The following IKZF1 variants were observed in gnomAD, a reference collection of about 807,000 sequenced individuals.
IKZF1 encodes IKAROS family zinc finger 1, also known as DNA-binding protein Ikaros.
In IKZF1, 10 loss-of-function variants were observed where a neutral mutation model predicts 51.7. That is an observed-to-expected ratio of 0.19 (90% confidence interval 0.12 to 0.33). The LOEUF (loss-of-function observed/expected upper bound fraction) is 0.33. Among genes scored for constraint, IKZF1 ranks in the 10% least tolerant of loss-of-function variants. IKZF1 has a pLI of 1.00. For missense variants in IKZF1, 484 were observed against 707.5 expected, an observed-to-expected ratio of 0.68 and a Z score of 3.58; for synonymous variants, 280 against 282.3, an observed-to-expected ratio of 0.99 and a Z score of 0.08.
At position 50,324,369 on chromosome 7, in the gene IKZF1, T is replaced by G. The variant is rs567331715; in HGVS notation, c.41-3269T>G. Among the ~76,000 whole-genome samples, 3 of 152,294 alleles carry G rather than the reference T, an allele frequency of 2.0e-5. No homozygotes were observed. In the South Asian group the frequency reaches 6.2e-4, roughly 32 times the overall value. On this transcript the variant is annotated intron_variant, in intron 2 of 7. Transcript: ENST00000331340. Reference sequence around the variant, plus strand: ...TGAGTTCAGGCAAGGCGAGCTTGAATTAACACAGGGCCCTTGGTGGGCATG... The same window carrying G: ...TGAGTTCAGGCAAGGCGAGCTTGAAGTAACACAGGGCCCTTGGTGGGCATG...
intron 4 of IKZF1, among the ~76,000 whole-genome samples, chr7:50,381,926 CTCTG>C (rs1054197815): frequency 2.2e-4 from 33 of 152,324 alleles, no homozygotes; most frequent in African/African-American, 7.2e-4. Context: ...TCCTCACGCT[CTCTG>C]TCTGTCTCTC....
At chr7:50,335,224 GTA>G (rs1348210429) in intron 3 of IKZF1, among the ~76,000 whole-genome samples, 6 of 150,658 alleles carry the variant, frequency 4.0e-5, no homozygotes, top group Non-Finnish European at 5.9e-5. Flanking sequence ...TGTATGGTGT[GTA>G]TGTGTGTGAG....
chr7:50,379,637 G>T (rs757471790), intron 4 of IKZF1, among the ~76,000 whole-genome samples: 12 of 152,154 alleles, frequency 7.9e-5, no homozygotes, highest in Non-Finnish European at 1.6e-4. Context: ...TAATAACAAA[G>T]ACCAAGAAGA....
chr7:50,366,799 A>C (rs374372546), intron 3 of IKZF1, among the ~76,000 whole-genome samples: 3 of 152,310 alleles, frequency 2.0e-5, no homozygotes, highest in East Asian at 3.9e-4. Context: ...AGATTATATA[A>C]AGGGTTGGAG....
chr7:50,401,945 G>A lies in IKZF1; in HGVS notation c.*1318G>A. The A allele has an allele frequency of 4.4e-6, 1 of 227,280 alleles. No homozygotes were observed. The highest frequency in any genetic ancestry group is 2.2e-5 in the African/African-American group (1 of 45,092). 14.1% of individuals were successfully genotyped at this position (227,280 alleles called of 1,614,324 possible). A position where few individuals can be genotyped will look rare whatever the true frequency, so the allele number is the denominator to read the frequency against. On this transcript the variant is annotated 3_prime_UTR_variant, in exon 8 of 8. Coordinates refer to ENST00000331340, the MANE Select transcript of IKZF1 (RefSeq NM_006060.6). Reference sequence around the variant, plus strand: ...AGGATGGCTGGCTCTGCACCTGTAGGATATTGGAATGCACAGGGCAATTGA... The same window carrying A: ...AGGATGGCTGGCTCTGCACCTGTAGAATATTGGAATGCACAGGGCAATTGA...
At chr7:50,358,897 A>G (rs938564930) in intron 3 of IKZF1, among the ~76,000 whole-genome samples, 1 of 152,064 alleles carries the variant, frequency 6.6e-6, no homozygotes, top group Non-Finnish European at 1.5e-5. Context: ...ATGAAACGTT[A>G]AACGGCTTAA....
At chr7:50,385,192 G>A (rs371258376) in intron 5 of IKZF1, among the ~76,000 whole-genome samples, 35 of 152,266 alleles carry the variant, frequency 2.3e-4, no homozygotes, top group Non-Finnish European at 1.8e-4. Context: ...CTGTCTGTCC[G>A]AAAATGCTAT....
At chr7:50,354,744 C>T (rs868480722) in intron 3 of IKZF1, among the ~76,000 whole-genome samples, 2 of 151,914 alleles carry the variant, frequency 1.3e-5, no homozygotes, top group Admixed American at 6.6e-5. Flanking sequence ...CAACCCATAC[C>T]GTTGGTTACA....
chr7:50,338,941 C>A (rs1798410616), intron 3 of IKZF1, among the ~76,000 whole-genome samples: 1 of 152,208 alleles, frequency 6.6e-6, no homozygotes, highest in African/African-American at 2.4e-5. Flanking sequence ...ATAGGGAACT[C>A]AGAAAGCATG....
Position 50,327,762 on chromosome 7 carries a change from GT to G in IKZF1, c.160+6del. 1.9e-6 allele frequency: 3 copies of G among 1,609,032 alleles called. No homozygotes were observed. Among genetic ancestry groups the G allele is most frequent in the Non-Finnish European group, 2.5e-6 (3 of 1,177,614 alleles). On this transcript the variant is annotated splice_donor_region_variant and intron_variant, in intron 3 of 7. Transcript: ENST00000331340. ...CCAAGAGTGACAGAGTCGTGGGTAA[GT>G]GGGTCACCAGCGGCCTCTGTGCCTG...
chr7:50,322,386 A>G (rs1250481101), intron 2 of IKZF1, among the ~76,000 whole-genome samples: 6 of 152,202 alleles, frequency 3.9e-5, no homozygotes, highest in Admixed American at 3.3e-4. Context: ...ACAGATAAAT[A>G]CTTAATATCT....
chr7:50,367,897 G>A, intron 3 of IKZF1: 1 of 606,024 alleles, frequency 1.7e-6, no homozygotes, highest in South Asian at 2.0e-5. Flanking sequence ...CAGTGGTTTT[G>A]AGTAATAAAA....
chr7:50,365,260 G>A (rs1052015915), intron 3 of IKZF1, among the ~76,000 whole-genome samples: 15 of 152,180 alleles, frequency 9.9e-5, no homozygotes, highest in African/African-American at 2.7e-4. Flanking sequence ...CTTTTACTGA[G>A]CCCAGAAGTT....
intron 3 of IKZF1, among the ~76,000 whole-genome samples, chr7:50,337,430 T>A (rs1672362026): frequency 6.6e-6 from 1 of 152,102 alleles, no homozygotes. Flanking sequence ...CAGGGCTCTG[T>A]GCAGTGGTCT....
chr7:50,377,155 A>G (rs1810512929), intron 4 of IKZF1: 3 of 207,308 alleles, frequency 1.4e-5, no homozygotes, highest in Admixed American at 1.1e-4. Context: ...AAAAATCCTG[A>G]TACACCAAAA....
At chr7:50,356,658 T>A (rs1392191512) in intron 3 of IKZF1, among the ~76,000 whole-genome samples, 2 of 152,228 alleles carry the variant, frequency 1.3e-5, no homozygotes, top group Non-Finnish European at 2.9e-5. Flanking sequence ...TTTCTGTCAC[T>A]TCTCCATAAT....
chr7:50,327,171 A>C (rs1484719285), intron 2 of IKZF1, among the ~76,000 whole-genome samples: 2 of 152,214 alleles, frequency 1.3e-5, no homozygotes, highest in Admixed American at 6.5e-5. Flanking sequence ...TGTTCATTAC[A>C]GTGTTGTTTA....
chr7:50,367,604 C>T (rs116193494), intron 3 of IKZF1: 2,000 of 159,132 alleles, frequency 0.013, 47 homozygotes, highest in African/African-American at 0.046. Flanking sequence ...GCGATGCAAT[C>T]AGCTCATTAA....
At chr7:50,318,139 C>A (rs139788176) in intron 1 of IKZF1, among the ~76,000 whole-genome samples, 1 of 129,086 alleles carries the variant, frequency 7.7e-6, no homozygotes, top group Non-Finnish European at 1.6e-5. Context: ...GACTGCCGAG[C>A]GGCAGGCCAG....
Sources: gnomAD v4.1 joint callset for allele counts (sites outside exome capture counted in the v4.1 genomes callset) on GRCh38, gnomAD v4.1.1 for gene constraint, MANE v1.5 for transcripts, NCBI Gene and HGNC (gene_info 2026-07-23, HGNC 2026-07-21) for gene names.